The following ZNF771 variants were observed in gnomAD, a reference collection of about 807,000 sequenced individuals.
The protein encoded by ZNF771 is mesenchymal stem cell protein DSC43.
A neutral mutation model predicts 27.6 loss-of-function variants in ZNF771; 10 were observed. The ratio of observed to expected loss-of-function variants is 0.36; its 90% CI spans 0.22 to 0.61. The LOEUF is 0.61. ZNF771 is among the 20% of genes least tolerant of loss of function. The pLI is 0.70. For missense variants in ZNF771, 438 were observed against 503.7 expected (o/e 0.87, Z 1.25); for synonymous variants, 261 against 225.2 (o/e 1.16, Z -1.43).
intron 2 of ZNF771, among the ~76,000 whole-genome samples, chr16:30,410,762 G>T (rs1245578639): frequency 7.1e-6 from 1 of 139,894 alleles, no homozygotes; most frequent in East Asian, 2.3e-4. Flanking sequence ...GCTCACACCT[G>T]TAATCCTAGC....
chr16:30,415,743 C>T (rs2050130682), intron 2 of ZNF771, among the ~76,000 whole-genome samples: 1 of 152,124 alleles, frequency 6.6e-6, no homozygotes, highest in African/African-American at 2.4e-5. Flanking sequence ...ATAATTACCT[C>T]GTGGAGATCG....
In ZNF771 at chr16:30,416,417, T is replaced by C. The variant is rs553287846; in HGVS notation, c.142-1138T>C. ...CTCCCACCGTCCTCATCTCTGTAAATGGCAACTCCACCTTTGCAGTTGCTA... is the reference window on the plus strand; with the variant it reads ...CTCCCACCGTCCTCATCTCTGTAAACGGCAACTCCACCTTTGCAGTTGCTA... On this transcript the variant is annotated intron_variant, in intron 2 of 2. Coordinates refer to ENST00000319296, the MANE Select transcript of ZNF771 (RefSeq NM_001142305.2). Among the ~76,000 whole-genome samples the C allele has an allele frequency of 3.3e-5, 5 of 152,320 alleles. No homozygotes were observed. In the South Asian group the frequency reaches 1.0e-3, roughly 32 times the overall value.
intron 2 of ZNF771, among the ~76,000 whole-genome samples, chr16:30,408,983 G>C (rs1183346028): frequency 6.7e-6 from 1 of 148,960 alleles, no homozygotes; most frequent in Admixed American, 6.7e-5. Flanking sequence ...ATTTTTTTTT[G>C]TTTTGTTTTG....
rs756959098 is a variant in ZNF771 at position 30,408,210 on chromosome 16, A to G, written c.141+16A>G. The G allele has an allele frequency of 9.3e-6, 15 of 1,613,498 alleles. No individual in the cohort carries two copies. The highest frequency in any genetic ancestry group is 2.2e-5 in the East Asian group (1 of 44,864). The stretch of plus-strand genomic sequence containing the variant: ...CAACAAGGAGGTATGTGTCACACAC[A>G]CCCTGGGGCACACTGTCCCCAAACC... On this transcript the variant is annotated intron_variant, in intron 2 of 2. Coordinates refer to ENST00000319296, the MANE Select transcript of ZNF771 (RefSeq NM_001142305.2).
intron 2 of ZNF771, among the ~76,000 whole-genome samples, chr16:30,409,131 C>T (rs569172668): frequency 3.3e-5 from 5 of 152,100 alleles, no homozygotes; most frequent in East Asian, 1.9e-4. Flanking sequence ...TGCACCACCA[C>T]GCCCGGCTAA....
chr16:30,417,901 C>A lies in ZNF771; in HGVS notation c.488C>A (p.Ala163Glu). ...CGCTTCGCGCAGAGCTCCAACTACG[C>A]ACAGCACCTGCGCGTGCACACGGGC... The part of the protein sequence containing the change: ...GRRFAQSSNY[A>E]QHLRVHTGEK... Residue 163 changes from alanine (A) to glutamate (E), a missense_variant, in exon 3 of 3, where the codon GCA becomes GAA. This residue lies in a region of ZNF771 where 305 missense variants were observed against 308.0 expected (regional missense o/e 0.99). Transcript: ENST00000319296. The A allele has an allele frequency of 6.6e-7, 1 of 1,520,594 alleles. No homozygotes were observed. Among genetic ancestry groups the A allele is most frequent in the South Asian group, 1.2e-5 (1 of 82,038 alleles). 94.2% of individuals were successfully genotyped at this position (1,520,594 alleles called of 1,614,324 possible). A position where few individuals can be genotyped will look rare whatever the true frequency, so the allele number is the denominator to read the frequency against.
At chr16:30,410,435 T>C (rs923149452) in intron 2 of ZNF771, among the ~76,000 whole-genome samples, 1 of 151,488 alleles carries the variant, frequency 6.6e-6, no homozygotes, top group East Asian at 2.0e-4. Context: ...GGCTGAACCA[T>C]GAGAACTGGG....
chr16:30,407,992 G>A lies in ZNF771; in HGVS notation c.-9-53G>A, dbSNP rs1336187135. On this transcript the variant is annotated intron_variant, in intron 1 of 2. Coordinates refer to ENST00000319296, the MANE Select transcript of ZNF771 (RefSeq NM_001142305.2). ...TGGGCCAGGGCCACGGTGGGCGGGG[G>A]GGGGGGTGGGGGGGGGCGGGTCCTG... 25 of 908,980 alleles carry A rather than the reference G, an allele frequency of 2.8e-5. 1 individual carries two copies. Among genetic ancestry groups the A allele is most frequent in the Non-Finnish European group, 3.6e-5 (23 of 641,002 alleles). The allele number at this position is 908,980 out of a possible 1,614,324, so 56.3% of individuals were successfully genotyped here.
At chr16:30,415,533 C>T (rs1462994609) in intron 2 of ZNF771, among the ~76,000 whole-genome samples, 1 of 152,024 alleles carries the variant, frequency 6.6e-6, no homozygotes, top group Non-Finnish European at 1.5e-5. Flanking sequence ...CAGGCGTCCG[C>T]CACCACGCCC....
Position 30,417,587 on chromosome 16 carries a change from C to T in ZNF771, c.174C>T (p.Asp58=). The T allele has an allele frequency of 8.1e-7, 1 of 1,234,854 alleles. No homozygotes were observed. Among genetic ancestry groups the T allele is most frequent in the Non-Finnish European group, 1.0e-6 (1 of 991,816 alleles). The allele number at this position is 1,234,854 out of a possible 1,614,324, so 76.5% of individuals were successfully genotyped here. Residue 58 remains aspartate, a synonymous_variant, in exon 3 of 3, where the codon GAC becomes GAT. Transcript: ENST00000319296. ...GCGAGGCGCCCGCGCCGTCCGCCGA[C>T]CCGGCGCGTCCCCACGCGTGCCCCG... ...VPGEAPAPSA[D]PARPHACPDC...
intron 2 of ZNF771, among the ~76,000 whole-genome samples, chr16:30,414,863 T>C (rs1483593851): frequency 1.3e-5 from 2 of 150,456 alleles, no homozygotes; most frequent in African/African-American, 5.0e-5. Flanking sequence ...GCCAGGATGG[T>C]CTCGATCTCC....
intron 2 of ZNF771, among the ~76,000 whole-genome samples, chr16:30,416,479 C>G (rs2050134654): frequency 1.3e-5 from 2 of 152,226 alleles, no homozygotes; most frequent in South Asian, 4.1e-4. Context: ...ATCTCTTTTT[C>G]TTCACACCTC....
rs546728153 is a variant in ZNF771 at position 30,418,293 on chromosome 16, A to G, written c.880A>G (p.Arg294Gly). 1.3e-6 allele frequency: 2 copies of G among 1,504,930 alleles called. No homozygotes were observed. The highest frequency in any genetic ancestry group is 1.2e-5 in the South Asian group (1 of 80,526). The allele number at this position is 1,504,930 out of a possible 1,614,324, so 93.2% of individuals were successfully genotyped here. ...CCTGTATATTTGCGCCGGCTGCGGC[A>G]GGGACTTCAAGCTGCCCCCTGGCGC... ...RRLYICAGCG[R>G]DFKLPPGATA... The change falls in exon 3 of 3, where the codon AGG (arginine) becomes GGG (glycine). Residue 294 changes from arginine (R) to glycine (G), a missense_variant. Coordinates refer to ENST00000319296, the MANE Select transcript of ZNF771 (RefSeq NM_001142305.2).
rs967278614 is a variant in ZNF771, at chr16:30,418,956, C to G, written c.*589C>G. 1 of 152,302 alleles carries G rather than the reference C, an allele frequency of 6.6e-6. No individual in the cohort carries two copies. Among genetic ancestry groups the G allele is most frequent in the Non-Finnish European group, 1.5e-5 (1 of 68,116 alleles). 9.4% of individuals were successfully genotyped at this position (152,302 alleles called of 1,614,324 possible). A position where few individuals can be genotyped will look rare whatever the true frequency, so the allele number is the denominator to read the frequency against. The stretch of plus-strand genomic sequence containing the variant: ...CTTTGTTATGTAAGCTTACCCAGCC[C>G]GGCGCACAGTGACTCACGCCTGTAA... On this transcript the variant is annotated 3_prime_UTR_variant, in exon 3 of 3. Coordinates refer to ENST00000319296, the MANE Select transcript of ZNF771 (RefSeq NM_001142305.2).
At position 30,418,269 on chromosome 16, in the gene ZNF771, C is replaced by T. The variant is rs532162207; in HGVS notation, c.856C>T (p.Leu286=). 4,180 of 1,511,928 alleles carry T rather than the reference C, an allele frequency of 2.8e-3. 17 individuals are homozygous for T. Among genetic ancestry groups the T allele is most frequent in the Non-Finnish European group, 2.6e-3 (2,955 of 1,137,014 alleles). 93.7% of individuals were successfully genotyped at this position (1,511,928 alleles called of 1,614,324 possible). ...CCGACGCGCGCACATGCGGCGCCGC[C>T]TGTATATTTGCGCCGGCTGCGGCAG... The part of the protein sequence containing the change: ...RHRRAHMRRR[L]YICAGCGRDF... The change falls in exon 3 of 3, where the codon CTG becomes TTG. Residue 286 remains leucine (L), a synonymous_variant. Coordinates refer to ENST00000319296, the MANE Select transcript of ZNF771 (RefSeq NM_001142305.2).
chr16:30,408,011 G>GGGGCCT, intron 1 of ZNF771, 34 bp from the exon 2 acceptor site: 1 of 1,375,388 alleles, frequency 7.3e-7, no homozygotes, highest in Non-Finnish European at 9.7e-7. Flanking sequence ...GGGGGGGGCG[G>GGGGCCT]GTCCTGAGCT....
intron 2 of ZNF771, among the ~76,000 whole-genome samples, chr16:30,408,651 C>T (rs1379329051): frequency 1.3e-5 from 2 of 152,118 alleles, no homozygotes; most frequent in East Asian, 3.9e-4. Context: ...TCTATGATGT[C>T]GGTAGCATTT....
At chr16:30,415,539 C>T (rs374073591) in intron 2 of ZNF771, among the ~76,000 whole-genome samples, 3 of 152,122 alleles carry the variant, frequency 2.0e-5, no homozygotes, top group South Asian at 2.1e-4. Flanking sequence ...TCCGCCACCA[C>T]GCCCAGCTAA....
chr16:30,412,916 T>C (rs2050112941), intron 2 of ZNF771, among the ~76,000 whole-genome samples: 1 of 152,258 alleles, frequency 6.6e-6, no homozygotes, highest in African/African-American at 2.4e-5. Context: ...TTGCCTTGTG[T>C]AGTCACTTAA....
Sources: allele counts gnomAD v4.1 joint callset (sites outside exome capture counted in the v4.1 genomes callset), GRCh38; gene constraint gnomAD v4.1.1; regional missense constraint gnomAD v4.1.1; transcripts MANE v1.5; gene names NCBI Gene and HGNC (gene_info 2026-07-23, HGNC 2026-07-21).